ARRDC4: variants seen among roughly 807,000 people sequenced by gnomAD.
ARRDC4 encodes the protein arrestin domain containing 4.
A neutral mutation model predicts 44.6 loss-of-function variants in ARRDC4; 40 were observed. That is an observed-to-expected ratio of 0.90 (90% CI 0.70 to 1.17). The LOEUF (loss-of-function observed/expected upper bound fraction) is 1.17. Among genes scored for constraint, ARRDC4 ranks in the 50% most tolerant of loss-of-function variants. ARRDC4 has a pLI of 0.00. For synonymous variants in ARRDC4, 211 were observed against 221.2 expected (o/e 0.95, Z 0.41); for missense variants, 550 against 559.1 (o/e 0.98, Z 0.16).
At position 97,970,290 on chromosome 15, in the gene ARRDC4, G is replaced by T. The variant is rs1390186787; in HGVS notation, c.1045+245G>T. ...GATGTACATTTCCTAATTCCTATTT[G>T]TAATAGGAAAACAATGAAAAACAGT... On this transcript the variant is annotated intron_variant, in intron 6 of 7. Transcript: ENST00000268042. The surrounding 1 kb of genome is among the most constrained non-coding windows in gnomAD (Gnocchi z 4.2). Among the ~76,000 whole-genome samples, 1 of 152,008 alleles carries T rather than the reference G, an allele frequency of 6.6e-6. No individual in the cohort carries two copies. The highest frequency in any genetic ancestry group is 1.9e-4 in the East Asian group (1 of 5,178).
Position 97,970,836 on chromosome 15 carries a change from CATAATT to C in ARRDC4, c.1200+95_1200+100del. 3 of 1,387,506 alleles carry C rather than the reference CATAATT, an allele frequency of 2.2e-6. No homozygotes were observed. The highest frequency in any genetic ancestry group is 2.7e-5 in the South Asian group (2 of 75,462). 85.9% of individuals were successfully genotyped at this position (1,387,506 alleles called of 1,614,324 possible). A position where few individuals can be genotyped will look rare whatever the true frequency, so the allele number is the denominator to read the frequency against. ...TTCATTAGAGTGTCTGTTGCTGACT[CATAATT>C]AGTAAGGGATACATTTAAATTTGTT... On this transcript the variant is annotated intron_variant, in intron 7 of 7. Transcript: ENST00000268042. This position sits in a 1 kb window ranked among gnomAD's most constrained non-coding sequence, Gnocchi z 4.2.
At chr15:97,969,062 C>T (rs1899463487) in intron 4 of ARRDC4, 61 bp from the exon 5 acceptor site, 1 of 1,554,390 alleles carries the variant, frequency 6.4e-7, no homozygotes, top group African/African-American at 1.4e-5. Flanking sequence ...GGCCCTAATC[C>T]ATTGTGGTGA....
In ARRDC4 at chr15:97,968,690, G is replaced by A. The variant is rs1011405449; in HGVS notation, c.626-433G>A. 6.6e-6 allele frequency among the ~76,000 whole-genome samples: 1 copy of A among 152,142 alleles called. No homozygotes were observed. Among genetic ancestry groups the A allele is most frequent in the South Asian group, 2.1e-4 (1 of 4,836 alleles). On this transcript the variant is annotated intron_variant, in intron 4 of 7. Transcript: ENST00000268042. This position sits in a 1 kb window ranked among gnomAD's most constrained non-coding sequence, Gnocchi z 5.4. ...GTTATAAAACTTGCCTAATCCATCC[G>A]TTGATTCTTTCTGTGCCTTAACATT...
chr15:97,961,893 C>G (rs1364628702), intron 1 of ARRDC4, among the ~76,000 whole-genome samples: 1 of 152,192 alleles, frequency 6.6e-6, no homozygotes, highest in Non-Finnish European at 1.5e-5. Context: ...GATTTCCCTT[C>G]CTGCTCACTT....
rs1899457975 is a variant in ARRDC4 at position 97,968,613 on chromosome 15, T to C, written c.625+497T>C. Among the ~76,000 whole-genome samples, 1 of 152,226 alleles carries C rather than the reference T, an allele frequency of 6.6e-6. No homozygotes were observed. The highest frequency in any genetic ancestry group is 2.1e-4 in the South Asian group (1 of 4,830). ...GGATTTGGCCCCTGCTCCAGGATTCTGACTTGTTAGAAAGGAATTCAGTAT... is the reference window on the plus strand; with the variant it reads ...GGATTTGGCCCCTGCTCCAGGATTCCGACTTGTTAGAAAGGAATTCAGTAT... On this transcript the variant is annotated intron_variant, in intron 4 of 7. Coordinates refer to ENST00000268042, the MANE Select transcript of ARRDC4 (RefSeq NM_183376.3). The surrounding 1 kb of genome is among the most constrained non-coding windows in gnomAD (Gnocchi z 5.4).
At chr15:97,964,554 G>T (rs575715014) in intron 1 of ARRDC4, among the ~76,000 whole-genome samples, 111 of 152,146 alleles carry the variant, frequency 7.3e-4, no homozygotes, top group Non-Finnish European at 1.4e-3. Flanking sequence ...AGAGGTTTCA[G>T]TGGTGCCTCT....
chr15:97,971,262 A>C lies in ARRDC4; in HGVS notation c.*75A>C. The C allele has an allele frequency of 2.2e-6, 3 of 1,358,830 alleles. No individual in the cohort carries two copies. Among genetic ancestry groups the C allele is most frequent in the Non-Finnish European group, 3.1e-6 (3 of 952,718 alleles). 84.2% of individuals were successfully genotyped at this position (1,358,830 alleles called of 1,614,324 possible). ...TTTTCCTTCTGCCTTTTTGGGAAAGAGACAGGAAAGATTCACTTGAAAACA... is the reference window on the plus strand; with the variant it reads ...TTTTCCTTCTGCCTTTTTGGGAAAGCGACAGGAAAGATTCACTTGAAAACA... On this transcript the variant is annotated 3_prime_UTR_variant, in exon 8 of 8. Coordinates refer to ENST00000268042, the MANE Select transcript of ARRDC4 (RefSeq NM_183376.3).
At chr15:97,963,559 T>G (rs192295498) in intron 1 of ARRDC4, among the ~76,000 whole-genome samples, 314 of 152,330 alleles carry the variant, frequency 2.1e-3, no homozygotes, top group African/African-American at 7.2e-3. Context: ...CTCTTCCTCA[T>G]GCTATTCCCT....
rs1899460759 is a variant in ARRDC4 at position 97,968,791 on chromosome 15, A to G, written c.626-332A>G. On this transcript the variant is annotated intron_variant, in intron 4 of 7. Coordinates refer to ENST00000268042, the MANE Select transcript of ARRDC4 (RefSeq NM_183376.3). The surrounding 1 kb of genome is among the most constrained non-coding windows in gnomAD (Gnocchi z 5.4). Reference sequence around the variant, plus strand: ...TTTGATAAGCACTAATGAGTTTGTTAGTGATCTTTTATACTTAACATAGTC... The same window carrying G: ...TTTGATAAGCACTAATGAGTTTGTTGGTGATCTTTTATACTTAACATAGTC... Among the ~76,000 whole-genome samples the G allele has an allele frequency of 6.6e-6, 1 of 152,206 alleles. No homozygotes were observed. Among genetic ancestry groups the G allele is most frequent in the African/African-American group, 2.4e-5 (1 of 41,458 alleles).
At position 97,968,687 on chromosome 15, in the gene ARRDC4, TC is replaced by T. The variant is rs1899459662; in HGVS notation, c.626-434del. Among the ~76,000 whole-genome samples, 1 of 152,226 alleles carries T rather than the reference TC, an allele frequency of 6.6e-6. No individual in the cohort carries two copies. The highest frequency in any genetic ancestry group is 1.9e-4 in the East Asian group (1 of 5,200). On this transcript the variant is annotated intron_variant, in intron 4 of 7. Coordinates refer to ENST00000268042, the MANE Select transcript of ARRDC4 (RefSeq NM_183376.3). The surrounding 1 kb of genome is among the most constrained non-coding windows in gnomAD (Gnocchi z 5.4). ...AATGTTATAAAACTTGCCTAATCCA[TC>T]CGTTGATTCTTTCTGTGCCTTAACA...
At position 97,965,218 on chromosome 15, in the gene ARRDC4, G is replaced by T. The variant is rs551878717; in HGVS notation, c.308-382G>T. 6.6e-6 allele frequency among the ~76,000 whole-genome samples: 1 copy of T among 152,228 alleles called. No individual in the cohort carries two copies. The highest frequency in any genetic ancestry group is 2.4e-5 in the African/African-American group (1 of 41,522). ...GTCCAAGGTGGGAGAATCGTTTGAG[G>T]CCAGGAGTTCGAGACCAGCTTGGGC... is the stretch of plus-strand genomic sequence containing the variant. On this transcript the variant is annotated intron_variant, in intron 1 of 7. Coordinates refer to ENST00000268042, the MANE Select transcript of ARRDC4 (RefSeq NM_183376.3). The surrounding 1 kb of genome is among the most constrained non-coding windows in gnomAD (Gnocchi z 5.1).
At position 97,972,742 on chromosome 15, in the gene ARRDC4, C is replaced by A. The variant is rs562686761; in HGVS notation, c.*1555C>A. 6.6e-6 allele frequency: 1 copy of A among 152,562 alleles called. No individual in the cohort carries two copies. Among genetic ancestry groups the A allele is most frequent in the Non-Finnish European group, 1.5e-5 (1 of 68,022 alleles). The allele number at this position is 152,562 out of a possible 1,614,324, so 9.5% of individuals were successfully genotyped here. ...TTAACAGAATGATTGATTTTTCTTT[C>A]AATCAGCATGTTCACCAAAAATAGA... On this transcript the variant is annotated 3_prime_UTR_variant, in exon 8 of 8. Transcript: ENST00000268042. This position sits in a 1 kb window ranked among gnomAD's most constrained non-coding sequence, Gnocchi z 5.3.
chr15:97,960,739 C>T lies in ARRDC4; in HGVS notation c.-123C>T. On this transcript the variant is annotated 5_prime_UTR_variant, in exon 1 of 8. Transcript: ENST00000268042. ...CGGCGAGCCGGTGCCCCATCGGGTA[C>T]CGCACGGCTGCCGCGGCGGCCTTAC... 1 of 890,542 alleles carries T rather than the reference C, an allele frequency of 1.1e-6. No individual in the cohort carries two copies. The highest frequency in any genetic ancestry group is 1.5e-6 in the Non-Finnish European group (1 of 674,250). The allele number at this position is 890,542 out of a possible 1,614,324, so 55.2% of individuals were successfully genotyped here. A position where few individuals can be genotyped will look rare whatever the true frequency, so the allele number is the denominator to read the frequency against.
chr15:97,963,935 G>A (rs1899369443), intron 1 of ARRDC4, among the ~76,000 whole-genome samples: 1 of 152,118 alleles, frequency 6.6e-6, no homozygotes, highest in Admixed American at 6.5e-5. Context: ...CCTGGTCCCT[G>A]CTCTGCTGCT....
intron 1 of ARRDC4, 149 bp downstream of exon 1, chr15:97,961,317 G>C (rs1899314106): frequency 1.3e-6 from 1 of 751,828 alleles, no homozygotes; most frequent in Non-Finnish European, 1.8e-6. Flanking sequence ...CGCGGGTAAG[G>C]AGAGACCGCA....
rs1368186926 is a variant in ARRDC4, at chr15:97,961,120, G to A, written c.259G>A (p.Glu87Lys). 3 of 1,460,222 alleles carry A rather than the reference G, an allele frequency of 2.1e-6. No homozygotes were observed. 90.5% of individuals were successfully genotyped at this position (1,460,222 alleles called of 1,614,324 possible). Reference sequence around the variant, plus strand: ...CACCGCGGCCCTGGCTGTCTTCTCGGAGGTGGAGTACCTGAACGTGCGCCT... The same window carrying A: ...CACCGCGGCCCTGGCTGTCTTCTCGAAGGTGGAGTACCTGAACGTGCGCCT... ...ASTAALAVFS[E>K]VEYLNVRLSL... Residue 87 changes from glutamate (E) to lysine (K), a missense_variant, in exon 1 of 8, where the codon GAG (glutamate) becomes AAG (lysine). Transcript: ENST00000268042.
rs746157545 is a variant in ARRDC4, at chr15:97,971,173, T to A, written c.1243T>A (p.Ser415Thr). 6.2e-7 allele frequency: 1 copy of A among 1,613,318 alleles called. No individual in the cohort carries two copies. Among genetic ancestry groups the A allele is most frequent in the Admixed American group, 1.7e-5 (1 of 60,000 alleles). Residue 415 changes from serine (S) to threonine (T), a missense_variant, in exon 8 of 8, where the codon TCC becomes ACC. Physicochemically the swap from Ser to Thr is moderately conservative, Grantham distance 58. Transcript: ENST00000268042. ...CGACGTAGAAGAGAGCCAGCCTGTT[T>A]CCTTCATTCTCTGAACGTATTTCAG... ...PSDVEESQPV[S>T]FIL
chr15:97,961,119 G>A lies in ARRDC4; in HGVS notation c.258G>A (p.Ser86=). The A allele has an allele frequency of 1.4e-6, 2 of 1,459,116 alleles. No homozygotes were observed. The highest frequency in any genetic ancestry group is 1.8e-6 in the Non-Finnish European group (2 of 1,113,938). 90.4% of individuals were successfully genotyped at this position (1,459,116 alleles called of 1,614,324 possible). ...SASTAALAVF[S]EVEYLNVRLS... ...GCACCGCGGCCCTGGCTGTCTTCTC[G>A]GAGGTGGAGTACCTGAACGTGCGCC... is the stretch of plus-strand genomic sequence containing the variant. Residue 86 remains serine, a synonymous_variant, in exon 1 of 8, where the codon TCG becomes TCA. Coordinates refer to ENST00000268042, the MANE Select transcript of ARRDC4 (RefSeq NM_183376.3).
chr15:97,960,753 C>A lies in ARRDC4; in HGVS notation c.-109C>A. The A allele has an allele frequency of 9.9e-7, 1 of 1,011,698 alleles. No homozygotes were observed. Among genetic ancestry groups the A allele is most frequent in the Non-Finnish European group, 1.3e-6 (1 of 785,262 alleles). 62.7% of individuals were successfully genotyped at this position (1,011,698 alleles called of 1,614,324 possible). A position where few individuals can be genotyped will look rare whatever the true frequency, so the allele number is the denominator to read the frequency against. On this transcript the variant is annotated 5_prime_UTR_variant, in exon 1 of 8. Coordinates refer to ENST00000268042, the MANE Select transcript of ARRDC4 (RefSeq NM_183376.3). ...CCCATCGGGTACCGCACGGCTGCCG[C>A]GGCGGCCTTACCCTGCCGCGAGCGC...
Sources: allele counts gnomAD v4.1 joint callset (sites outside exome capture counted in the v4.1 genomes callset), GRCh38; gene constraint gnomAD v4.1.1; non-coding constraint Gnocchi (gnomAD v3.1); transcripts MANE v1.5; gene names NCBI Gene and HGNC (gene_info 2026-07-23, HGNC 2026-07-21).